FAM193A: variants seen among roughly 807,000 people sequenced by gnomAD.
FAM193A encodes the protein protein FAM193A.
In FAM193A, 22 loss-of-function variants were observed where a neutral mutation model predicts 126.5. The observed-to-expected ratio is 0.17, with a 90% CI of 0.12 to 0.25. The LOEUF (loss-of-function observed/expected upper bound fraction) is 0.25, where lower values mean the gene tolerates loss of function less well. Among genes scored for constraint, FAM193A ranks in the 10% least tolerant of loss-of-function variants. The pLI is 1.00. For synonymous variants in FAM193A, 761 were observed against 646.8 expected (o/e 1.18, Z -2.68); for missense variants, 1,675 against 1,672.8 (o/e 1.00, Z -0.02).
At chr4:2,562,754 C>T (rs916379274) in intron 1 of FAM193A, among the ~76,000 whole-genome samples, 1 of 151,864 alleles carries the variant, frequency 6.6e-6, no homozygotes, top group African/African-American at 2.4e-5. Flanking sequence ...CTCATCCTTC[C>T]CAGTAGCTGG....
intron 20 of FAM193A, among the ~76,000 whole-genome samples, chr4:2,721,436 T>C (rs977032585): frequency 5.3e-5 from 8 of 151,652 alleles, no homozygotes; most frequent in Non-Finnish European, 1.2e-4. Context: ...TTCAGTGAGC[T>C]ATGCTTACGC....
intron 1 of FAM193A, among the ~76,000 whole-genome samples, chr4:2,547,154 G>A (rs1737614799): frequency 6.6e-6 from 1 of 152,108 alleles, no homozygotes; most frequent in South Asian, 2.1e-4. Flanking sequence ...TTGGGAGGCC[G>A]AGGCAGGCGG....
At chr4:2,716,515 G>GTT (rs1719554194) in intron 20 of FAM193A, among the ~76,000 whole-genome samples, 1 of 152,100 alleles carries the variant, frequency 6.6e-6, no homozygotes, top group Admixed American at 6.6e-5. Flanking sequence ...CAGCCTTCCG[G>GTT]GTGACCCTCA....
At chr4:2,641,803 T>C (rs1744652675) in intron 6 of FAM193A, among the ~76,000 whole-genome samples, 1 of 151,740 alleles carries the variant, frequency 6.6e-6, no homozygotes, top group African/African-American at 2.4e-5. Context: ...AAAAGAGAAT[T>C]GAGGACAAAA....
chr4:2,617,921 AT>A (rs987337055), intron 2 of FAM193A, among the ~76,000 whole-genome samples: 1 of 120,852 alleles, frequency 8.3e-6, no homozygotes, highest in African/African-American at 3.1e-5. Flanking sequence ...GTAGATCCAC[AT>A]TTTCATTTGG....
chr4:2,599,718 T>TAAG (rs887602540), intron 2 of FAM193A, among the ~76,000 whole-genome samples: 6 of 151,704 alleles, frequency 4.0e-5, no homozygotes, highest in African/African-American at 1.5e-4. Flanking sequence ...GTAGCTCACT[T>TAAG]GCTTGTCTTC....
intron 9 of FAM193A, 43 bp downstream of exon 9, chr4:2,659,713 C>T (rs1352869562): frequency 1.2e-5 from 20 of 1,608,174 alleles, no homozygotes; most frequent in African/African-American, 2.7e-5. Flanking sequence ...CCCATTGGAC[C>T]TTCACTGGGC....
chr4:2,716,259 G>T (rs1285939068), intron 20 of FAM193A, among the ~76,000 whole-genome samples, 155 bp downstream of exon 20: 1 of 152,192 alleles, frequency 6.6e-6, no homozygotes, highest in Admixed American at 6.5e-5. Flanking sequence ...TAGTAGGACA[G>T]GCCAGCCACA....
chr4:2,600,579 T>C (rs1424635562), intron 2 of FAM193A, among the ~76,000 whole-genome samples: 1 of 152,170 alleles, frequency 6.6e-6, no homozygotes, highest in Non-Finnish European at 1.5e-5. Flanking sequence ...TACCCACCCC[T>C]TGCTCAGCTC....
intron 7 of FAM193A, among the ~76,000 whole-genome samples, chr4:2,652,887 AC>A (rs2109077390): frequency 6.6e-6 from 1 of 152,378 alleles, no homozygotes; most frequent in African/African-American, 2.4e-5. Flanking sequence ...ATGAACCGTT[AC>A]CGAGTGCTGT....
chr4:2,591,217 C>T (rs765772278), intron 1 of FAM193A, among the ~76,000 whole-genome samples: 6 of 151,870 alleles, frequency 4.0e-5, no homozygotes, highest in Non-Finnish European at 8.8e-5. Flanking sequence ...AAGCAAGCAG[C>T]AAGTATGAAG....
At chr4:2,726,904 C>T (rs1401143953) in intron 20 of FAM193A, among the ~76,000 whole-genome samples, 2 of 139,022 alleles carry the variant, frequency 1.4e-5, no homozygotes, top group African/African-American at 2.7e-5. Flanking sequence ...GAGCCCAGAT[C>T]GTGCCATTAC....
At chr4:2,658,041 T>G (rs1268333344) in intron 8 of FAM193A, among the ~76,000 whole-genome samples, 161 bp downstream of exon 8, 1 of 152,228 alleles carries the variant, frequency 6.6e-6, no homozygotes, top group South Asian at 2.1e-4. Flanking sequence ...GTTTTTAATC[T>G]CAAGATAAAC....
intron 2 of FAM193A, among the ~76,000 whole-genome samples, chr4:2,624,379 G>A (rs906592703): frequency 6.6e-6 from 1 of 152,144 alleles, no homozygotes; most frequent in African/African-American, 2.4e-5. Flanking sequence ...CCTGACCTCA[G>A]GTGATCCGCC....
At chr4:2,564,740 G>A (rs1371552492) in intron 1 of FAM193A, among the ~76,000 whole-genome samples, 1 of 152,088 alleles carries the variant, frequency 6.6e-6, no homozygotes, top group Admixed American at 6.6e-5. Flanking sequence ...AAGAGTAAAT[G>A]GTTAGAATAA....
chr4:2,596,499 C>T (rs1231426667), intron 2 of FAM193A, among the ~76,000 whole-genome samples, 170 bp downstream of exon 2: 1 of 152,246 alleles, frequency 6.6e-6, no homozygotes, highest in African/African-American at 2.4e-5. Context: ...TCCCTGGCCA[C>T]ACTGCAGTAG....
intron 13 of FAM193A, among the ~76,000 whole-genome samples, chr4:2,680,543 C>T (rs978232192): frequency 6.6e-6 from 1 of 152,052 alleles, no homozygotes; most frequent in African/African-American, 2.4e-5. Context: ...CACTATGTTA[C>T]CCAGTCTGGA....
At chr4:2,614,481 T>C (rs1742069054) in intron 2 of FAM193A, among the ~76,000 whole-genome samples, 1 of 152,218 alleles carries the variant, frequency 6.6e-6, no homozygotes, top group South Asian at 2.1e-4. Flanking sequence ...TGATGTATTA[T>C]CCTTTTGCTA....
At chr4:2,620,836 CAAAAAAAA>C (rs34305537) in intron 2 of FAM193A, among the ~76,000 whole-genome samples, 12 of 69,094 alleles carry the variant, frequency 1.7e-4, no homozygotes, top group African/African-American at 5.5e-4. Flanking sequence ...AACTCCGTCT[CAAAAAAAA>C]AAAAAAAAAA....
Sources: gnomAD v4.1 joint callset for allele counts (sites outside exome capture counted in the v4.1 genomes callset) on GRCh38, gnomAD v4.1.1 for gene constraint, MANE v1.5 for transcripts, NCBI Gene and HGNC (gene_info 2026-07-23, HGNC 2026-07-21) for gene names.